Variants in CCSER1 observed in about 807,000 individuals in gnomAD.
CCSER1 encodes the protein serine-rich coiled-coil domain-containing protein 1.
A neutral mutation model predicts 82.0 loss-of-function variants in CCSER1; 41 were observed. The ratio of observed to expected loss-of-function variants is 0.50; its 90% CI spans 0.39 to 0.65. CCSER1 has a LOEUF of 0.65. Ranked by LOEUF, CCSER1 falls within the 30% of genes least tolerant of loss-of-function variation. The pLI is 0.00. For synonymous variants in CCSER1, 414 were observed against 383.9 expected, an observed-to-expected ratio of 1.08 and a Z score of -0.92; for missense variants, 1,119 against 1,064.2, an observed-to-expected ratio of 1.05 and a Z score of -0.72.
chr4:91,542,057 C>A (rs1033405991), intron 10 of CCSER1, among the ~76,000 whole-genome samples: 6 of 152,102 alleles, frequency 3.9e-5, no homozygotes, highest in African/African-American at 1.4e-4. Context: ...TACGCTTCAT[C>A]CAATTTTTGA....
chr4:91,578,948 T>A (rs542354294), intron 10 of CCSER1, among the ~76,000 whole-genome samples: 4 of 151,754 alleles, frequency 2.6e-5, no homozygotes, highest in Non-Finnish European at 5.9e-5. Flanking sequence ...TTGATTTGAA[T>A]AATACACATC....
intron 3 of CCSER1, among the ~76,000 whole-genome samples, chr4:90,367,325 C>T (rs1007316759): frequency 6.6e-6 from 1 of 151,776 alleles, no homozygotes; most frequent in Non-Finnish European, 1.5e-5. Context: ...CCGGGGATCC[C>T]TTATGATCTT....
At chr4:91,258,722 T>C (rs1307180830) in intron 10 of CCSER1, among the ~76,000 whole-genome samples, 1 of 152,180 alleles carries the variant, frequency 6.6e-6, no homozygotes, top group Non-Finnish European at 1.5e-5. Context: ...AGTCCTATGC[T>C]AATATGCAAA....
At position 91,282,950 on chromosome 4, in the gene CCSER1, G is replaced by A. The variant is rs575773023; in HGVS notation, c.2217+196956G>A. On this transcript the variant is annotated intron_variant, in intron 10 of 10. Transcript: ENST00000509176. Reference sequence around the variant, plus strand: ...GAAAATAAATGAGATCATACTTTTCGTGTGCTAAGCATAAGAGCTTTACAG... The same window carrying A: ...GAAAATAAATGAGATCATACTTTTCATGTGCTAAGCATAAGAGCTTTACAG... Among the ~76,000 whole-genome samples the A allele has an allele frequency of 3.9e-5, 6 of 152,064 alleles. No individual in the cohort carries two copies. In the South Asian group the frequency reaches 6.2e-4, roughly 16 times the overall value.
chr4:90,176,281 G>A lies in CCSER1; in HGVS notation c.-42+48450G>A, dbSNP rs181877655. On this transcript the variant is annotated intron_variant, in intron 1 of 10. Coordinates refer to ENST00000509176, the MANE Select transcript of CCSER1 (RefSeq NM_001145065.2). ...GAATTCAGGAAAAAGAGTTATAAAC[G>A]TTGAAAACAATTAGTCATCATAGTA... is the stretch of plus-strand genomic sequence containing the variant. Among the ~76,000 whole-genome samples the A allele has an allele frequency of 1.0e-3, 158 of 152,054 alleles. 1 individual carries two copies. The Middle Eastern group carries it at 0.017, about 16-fold the overall frequency.
chr4:91,047,524 T>G (rs960818943), intron 9 of CCSER1, among the ~76,000 whole-genome samples: 11 of 152,142 alleles, frequency 7.2e-5, no homozygotes, highest in African/African-American at 2.2e-4. Flanking sequence ...TCCCACTCAC[T>G]CCTGACTTTC....
intron 4 of CCSER1, among the ~76,000 whole-genome samples, chr4:90,446,202 C>A (rs1391143853): frequency 1.3e-5 from 2 of 152,120 alleles, no homozygotes; most frequent in Admixed American, 1.3e-4. Flanking sequence ...ATTTCAATCA[C>A]CCATTAAAAC....
intron 10 of CCSER1, among the ~76,000 whole-genome samples, chr4:91,515,971 A>AT (rs972196876): frequency 2.7e-5 from 4 of 149,876 alleles, no homozygotes; most frequent in African/African-American, 7.4e-5. Flanking sequence ...GATGTTGAGC[A>AT]TTTTTTTTAC....
At chr4:90,479,848 T>A (rs1441155079) in intron 5 of CCSER1, among the ~76,000 whole-genome samples, 1 of 152,230 alleles carries the variant, frequency 6.6e-6, no homozygotes, top group African/African-American at 2.4e-5. Context: ...CGTGTGCATG[T>A]GTCTTTATAG....
chr4:90,675,039 A>G (rs555283005), intron 6 of CCSER1, among the ~76,000 whole-genome samples: 2 of 152,154 alleles, frequency 1.3e-5, no homozygotes, highest in East Asian at 1.9e-4. Context: ...CCAGGGTTCA[A>G]ATCACAGCAT....
chr4:90,781,166 C>A (rs1331865442), intron 7 of CCSER1: 25 of 622,892 alleles, frequency 4.0e-5, no homozygotes, highest in Non-Finnish European at 4.6e-5. Context: ...CACCAAGCCC[C>A]ACCTCCAGCA....
At chr4:91,513,563 T>A (rs1445042079) in intron 10 of CCSER1, among the ~76,000 whole-genome samples, 3 of 152,160 alleles carry the variant, frequency 2.0e-5, no homozygotes, top group African/African-American at 7.2e-5. Context: ...GGACTTCTGG[T>A]AGAATTCAGC....
chr4:90,934,574 CAA>C (rs1275091835), intron 9 of CCSER1, among the ~76,000 whole-genome samples: 4 of 152,000 alleles, frequency 2.6e-5, no homozygotes, highest in Admixed American at 6.6e-5. Context: ...AGACAAAATC[CAA>C]ATGGGCAGTA....
intron 1 of CCSER1, among the ~76,000 whole-genome samples, chr4:90,209,159 C>T (rs1027416534): frequency 1.3e-5 from 2 of 152,104 alleles, no homozygotes; most frequent in African/African-American, 4.8e-5. Flanking sequence ...TTCCTTATTG[C>T]CTCCCTTCAC....
chr4:90,822,313 T>C (rs1276003610), intron 8 of CCSER1, among the ~76,000 whole-genome samples: 1 of 152,226 alleles, frequency 6.6e-6, no homozygotes, highest in Non-Finnish European at 1.5e-5. Context: ...CAGCAGTTTA[T>C]ATTTCTGAAC....
At chr4:90,966,699 CA>C (rs1734597807) in intron 9 of CCSER1, among the ~76,000 whole-genome samples, 1 of 152,080 alleles carries the variant, frequency 6.6e-6, no homozygotes, top group African/African-American at 2.4e-5. Flanking sequence ...AAAACTTATA[CA>C]TTTATTTTTA....
chr4:90,496,888 G>T (rs1156472304), intron 5 of CCSER1, among the ~76,000 whole-genome samples: 1 of 143,240 alleles, frequency 7.0e-6, no homozygotes, highest in African/African-American at 2.6e-5. Flanking sequence ...TGAGGCAGGA[G>T]AATCGCTTGA....
At chr4:91,488,169 G>A (rs866617227) in intron 10 of CCSER1, among the ~76,000 whole-genome samples, 22 of 152,020 alleles carry the variant, frequency 1.4e-4, no homozygotes, top group African/African-American at 4.1e-4. Flanking sequence ...TTATTTGTTC[G>A]CATAAGCGGT....
intron 10 of CCSER1, among the ~76,000 whole-genome samples, chr4:91,197,176 T>G (rs1735508837): frequency 2.6e-5 from 4 of 152,186 alleles, no homozygotes; most frequent in African/African-American, 9.7e-5. Flanking sequence ...CCAAAGCTGC[T>G]GGCCTCAGAA....
Sources: gnomAD v4.1 joint callset for allele counts (sites outside exome capture counted in the v4.1 genomes callset) on GRCh38, gnomAD v4.1.1 for gene constraint, MANE v1.5 for transcripts, NCBI Gene and HGNC (gene_info 2026-07-23, HGNC 2026-07-21) for gene names.